Variants in PRKAR2B observed in about 807,000 individuals in gnomAD.
PRKAR2B encodes protein kinase cAMP-dependent type II regulatory subunit beta, also known as cAMP-dependent protein kinase type II-beta regulatory subunit.
In PRKAR2B, 14 loss-of-function variants were observed where a neutral mutation model predicts 49.9. That is an observed-to-expected ratio of 0.28 (90% CI 0.19 to 0.44). The LOEUF is 0.44. PRKAR2B is among the 20% of genes least tolerant of loss of function. The pLI is 1.00. For missense variants in PRKAR2B, 393 were observed against 537.9 expected (o/e 0.73, Z 2.67); for synonymous variants, 196 against 197.7 (o/e 0.99, Z 0.07).
intron 4 of PRKAR2B, chr7:107,128,884 G>A (rs78611536): frequency 0.048 from 7,238 of 149,350 alleles, 219 homozygotes; most frequent in African/African-American, 0.073. Flanking sequence ...ATGAGTGCAC[G>A]TGCTGTTCAG....
At chr7:107,094,424 T>C (rs1269012065) in intron 2 of PRKAR2B, among the ~76,000 whole-genome samples, 1 of 152,168 alleles carries the variant, frequency 6.6e-6, no homozygotes, top group Admixed American at 6.5e-5. Context: ...GTCAGATGGG[T>C]AGGTTATAAA....
intron 2 of PRKAR2B, among the ~76,000 whole-genome samples, chr7:107,111,047 A>G (rs1795161770): frequency 6.6e-6 from 1 of 152,166 alleles, no homozygotes; most frequent in African/African-American, 2.4e-5. Context: ...CCACTGCCCA[A>G]AGGGAGCATC....
intron 4 of PRKAR2B, among the ~76,000 whole-genome samples, chr7:107,140,639 TTTCA>T (rs1256544844): frequency 1.3e-5 from 2 of 152,228 alleles, no homozygotes; most frequent in Non-Finnish European, 2.9e-5. Flanking sequence ...TTATAATTAC[TTTCA>T]TTCAAATACT....
intron 2 of PRKAR2B, among the ~76,000 whole-genome samples, chr7:107,113,438 A>C (rs957328579): frequency 2.0e-5 from 3 of 152,202 alleles, no homozygotes; most frequent in African/African-American, 7.2e-5. Context: ...ATGTTCATCA[A>C]CTGCAATGCT....
intron 1 of PRKAR2B, among the ~76,000 whole-genome samples, chr7:107,069,218 G>T (rs1178963834): frequency 6.6e-6 from 1 of 152,198 alleles, no homozygotes; most frequent in Non-Finnish European, 1.5e-5. Flanking sequence ...TTACAGGCGT[G>T]AGCCACTGTG....
At chr7:107,153,061 A>C (rs961435984) in intron 7 of PRKAR2B, 116 bp from the exon 8 acceptor site, 1 of 512,078 alleles carries the variant, frequency 2.0e-6, no homozygotes. Flanking sequence ...ACACATATAC[A>C]ACCTACACAC....
intron 2 of PRKAR2B, among the ~76,000 whole-genome samples, chr7:107,080,626 G>C (rs568586605): frequency 3.3e-4 from 50 of 152,222 alleles, no homozygotes; most frequent in Non-Finnish European, 2.9e-4. Context: ...GGACATAGTT[G>C]GATTGATAGT....
In PRKAR2B at chr7:107,056,720, C is replaced by T. The variant is rs552941154; in HGVS notation, c.307+11506C>T. ...AGCTTAAGGACATTTTGGGCTGAGA[C>T]GATGTTAAATAGACTTTTAATAATA... On this transcript the variant is annotated intron_variant, in intron 1 of 10. Coordinates refer to ENST00000265717, the MANE Select transcript of PRKAR2B (RefSeq NM_002736.3). Among the ~76,000 whole-genome samples, 112 of 152,112 alleles carry T rather than the reference C, an allele frequency of 7.4e-4. 4 individuals carry two copies. In the South Asian group the frequency reaches 0.013, roughly 17 times the overall value.
chr7:107,096,543 A>C (rs7786296), intron 2 of PRKAR2B, among the ~76,000 whole-genome samples: 18,279 of 150,212 alleles, frequency 0.12, 1,300 homozygotes, highest in African/African-American at 0.19. Context: ...TATTTCTTGC[A>C]TTCTGCTAGC....
At chr7:107,087,090 C>T (rs572130206) in intron 2 of PRKAR2B, among the ~76,000 whole-genome samples, 14 of 152,066 alleles carry the variant, frequency 9.2e-5, no homozygotes, top group African/African-American at 3.4e-4. Context: ...AGAATGTATG[C>T]CCCTCTGAAA....
chr7:107,051,680 G>C (rs558304002), intron 1 of PRKAR2B, among the ~76,000 whole-genome samples: 1 of 152,026 alleles, frequency 6.6e-6, no homozygotes, highest in East Asian at 1.9e-4. Flanking sequence ...ATAAACAGTT[G>C]GTGTAACATT....
intron 8 of PRKAR2B, among the ~76,000 whole-genome samples, chr7:107,155,205 C>G (rs1278939674): frequency 2.6e-5 from 4 of 152,060 alleles, no homozygotes; most frequent in African/African-American, 9.7e-5. Context: ...AAATTCTTAC[C>G]CCAGTGTTGC....
chr7:107,130,092 C>T (rs891264070), intron 4 of PRKAR2B, among the ~76,000 whole-genome samples: 3 of 152,262 alleles, frequency 2.0e-5, no homozygotes, highest in African/African-American at 4.8e-5. Context: ...GGTTCATGCA[C>T]CTCGGACACT....
At position 107,128,366 on chromosome 7, in the gene PRKAR2B, GT is replaced by G. The variant is rs1795536273; in HGVS notation, c.480+72del. 8 of 1,200,436 alleles carry G rather than the reference GT, an allele frequency of 6.7e-6. No homozygotes were observed. In the South Asian group the frequency reaches 1.0e-4, roughly 16 times the overall value. 74.4% of individuals were successfully genotyped at this position (1,200,436 alleles called of 1,614,324 possible). A position where few individuals can be genotyped will look rare whatever the true frequency, so the allele number is the denominator to read the frequency against. On this transcript the variant is annotated intron_variant, in intron 4 of 10. Coordinates refer to ENST00000265717, the MANE Select transcript of PRKAR2B (RefSeq NM_002736.3). ...GTGACAGTGTCAAGAACTGTACAGG[GT>G]CTTGAGTTTTGCCCTCTTTGTAAGC...
intron 4 of PRKAR2B, among the ~76,000 whole-genome samples, chr7:107,137,228 G>A (rs1795715442): frequency 6.6e-6 from 1 of 152,202 alleles, no homozygotes; most frequent in African/African-American, 2.4e-5. Context: ...AACTACTGAT[G>A]TCATGGTTTG....
At chr7:107,146,773 C>T (rs1056440659) in intron 6 of PRKAR2B, among the ~76,000 whole-genome samples, 1 of 152,154 alleles carries the variant, frequency 6.6e-6, no homozygotes, top group Non-Finnish European at 1.5e-5. Context: ...GCCTTAAGTA[C>T]TTTTTCTCAG....
At chr7:107,100,872 C>T (rs1008735941) in intron 2 of PRKAR2B, among the ~76,000 whole-genome samples, 7 of 149,834 alleles carry the variant, frequency 4.7e-5, no homozygotes, top group African/African-American at 9.8e-5. Flanking sequence ...TTTATTGAGT[C>T]GTTTTTACTC....
Position 107,159,768 on chromosome 7 carries a change from A to G in PRKAR2B, c.*186A>G. The G allele has an allele frequency of 2.0e-6, 1 of 508,632 alleles. No homozygotes were observed. The allele number at this position is 508,632 out of a possible 1,614,324, so 31.5% of individuals were successfully genotyped here. On this transcript the variant is annotated 3_prime_UTR_variant, in exon 11 of 11. Coordinates refer to ENST00000265717, the MANE Select transcript of PRKAR2B (RefSeq NM_002736.3). ...AATAGGCTTTAACATCACTTTCTAA[A>G]GAGTAGTTCATAAAAAAATCAACAT...
intron 2 of PRKAR2B, among the ~76,000 whole-genome samples, chr7:107,099,238 C>T (rs544440873): frequency 2.4e-3 from 360 of 152,320 alleles, no homozygotes; most frequent in Non-Finnish European, 3.9e-3. Context: ...TCCCTAGCCT[C>T]GCTGCCGCCT....
Sources: gnomAD v4.1 joint callset for allele counts (sites outside exome capture counted in the v4.1 genomes callset) on GRCh38, gnomAD v4.1.1 for gene constraint, MANE v1.5 for transcripts, NCBI Gene and HGNC (gene_info 2026-07-23, HGNC 2026-07-21) for gene names.